Variants in SUCO observed in about 807,000 individuals in gnomAD.
SUCO encodes SUN domain-containing ossification factor.
A neutral mutation model predicts 148.1 loss-of-function variants in SUCO; 57 were observed. The ratio of observed to expected loss-of-function variants is 0.38; its 90% CI spans 0.31 to 0.48. SUCO has a LOEUF of 0.48. Ranked by LOEUF, SUCO falls within the 20% of genes least tolerant of loss-of-function variation. The pLI is 0.96. For synonymous variants in SUCO, 470 were observed against 502.7 expected, an observed-to-expected ratio of 0.93 and a Z score of 0.87; for missense variants, 1,331 against 1,468.2, an observed-to-expected ratio of 0.91 and a Z score of 1.53.
chr1:172,547,816 A>G (rs949172215), intron 1 of SUCO, among the ~76,000 whole-genome samples: 1 of 152,162 alleles, frequency 6.6e-6, no homozygotes, highest in African/African-American at 2.4e-5. Flanking sequence ...ACTGAAGTTG[A>G]TACCTGTATT....
At chr1:172,550,156 TATAG>T (rs570691583) in intron 1 of SUCO, among the ~76,000 whole-genome samples, 3 of 151,956 alleles carry the variant, frequency 2.0e-5, no homozygotes, top group Non-Finnish European at 2.9e-5. Context: ...TGTAGTTTCA[TATAG>T]ATCTAGCCCC....
intron 1 of SUCO, among the ~76,000 whole-genome samples, chr1:172,549,389 T>C (rs1325687434): frequency 6.6e-6 from 1 of 151,860 alleles, no homozygotes; most frequent in Non-Finnish European, 1.5e-5. Context: ...ATATTCTTTA[T>C]TGCACATTAA....
intron 14 of SUCO, 33 bp downstream of exon 14, chr1:172,578,422 T>C: frequency 1.9e-6 from 3 of 1,582,544 alleles, no homozygotes; most frequent in Non-Finnish European, 2.6e-6. Flanking sequence ...CTGTTAGGTA[T>C]ATTTTTTTTA....
Position 172,589,136 on chromosome 1 carries a change from C to T in SUCO, c.2035C>T (p.Gln679Ter). Reference protein sequence around the residue: ...PAESVDVSVLQPLSGELENTN... With the variant: ...PAESVDVSVL ...GGAATCAGTAGATGTTTCAGTATTG[C>T]AACCTCTGAGTGGAGAATTGGAAAA... is the stretch of plus-strand genomic sequence containing the variant. The change falls in exon 18 of 24, where the codon CAA becomes TAA. Residue 679 changes from glutamine to a stop codon, truncating the protein, a stop_gained. Transcript: ENST00000263688. LOFTEE classifies it high-confidence loss of function. 1 of 1,613,626 alleles carries T rather than the reference C, an allele frequency of 6.2e-7. No homozygotes were observed. The highest frequency in any genetic ancestry group is 8.5e-7 in the Non-Finnish European group (1 of 1,179,788).
intron 23 of SUCO, 105 bp from the exon 24 acceptor site, chr1:172,609,711 T>C (rs1658087383): frequency 6.7e-7 from 1 of 1,487,958 alleles, no homozygotes; most frequent in Admixed American, 2.6e-5. Context: ...ACTGTTTTAC[T>C]TTTCACCAGG....
chr1:172,572,355 A>G (rs1176593932), intron 9 of SUCO, among the ~76,000 whole-genome samples: 1 of 151,922 alleles, frequency 6.6e-6, no homozygotes, highest in Non-Finnish European at 1.5e-5. Context: ...TTCTGTACTA[A>G]GAAAAATTCT....
Position 172,578,301 on chromosome 1 carries a change from A to G in SUCO, c.1344A>G (p.Val448=). The change falls in exon 14 of 24, where the codon GTA becomes GTG. Residue 448 remains valine (V), a synonymous_variant. Coordinates refer to ENST00000263688, the MANE Select transcript of SUCO (RefSeq NM_014283.5). ...TTAATGAAATTGTTGTTGATAGGGT[A>G]TTTGGCACTAGCATGGTGGAAGAAT... ...EHFCPLSLIR[V]FGTSMVEEYE... 1.9e-6 allele frequency: 3 copies of G among 1,606,522 alleles called. No homozygotes were observed. The highest frequency in any genetic ancestry group is 1.7e-6 in the Non-Finnish European group (2 of 1,173,432).
chr1:172,533,136 C>T (rs1357800074), upstream of SUCO: 7 of 1,438,682 alleles, frequency 4.9e-6, no homozygotes, highest in Middle Eastern at 2.6e-4. Flanking sequence ...AGGCCCCCGG[C>T]GGGCGGGGAG....
chr1:172,579,947 A>G (rs1164773597), intron 15 of SUCO, among the ~76,000 whole-genome samples: 1 of 152,156 alleles, frequency 6.6e-6, no homozygotes, highest in Non-Finnish European at 1.5e-5. Context: ...AAATTTAATA[A>G]AAACAAATCT....
chr1:172,581,467 TA>T (rs1042602740), intron 15 of SUCO, among the ~76,000 whole-genome samples: 1 of 152,182 alleles, frequency 6.6e-6, no homozygotes, highest in Non-Finnish European at 1.5e-5. Flanking sequence ...CATAAAACTT[TA>T]TAGACTTGGC....
Position 172,611,012 on chromosome 1 carries a change from C to G in SUCO, c.*753C>G, listed in dbSNP as rs866622277. 6.6e-5 allele frequency: 10 copies of G among 152,588 alleles called. No homozygotes were observed. The highest frequency in any genetic ancestry group is 2.4e-4 in the African/African-American group (10 of 41,452). The allele number at this position is 152,588 out of a possible 1,614,324, so 9.5% of individuals were successfully genotyped here. A position where few individuals can be genotyped will look rare whatever the true frequency, so the allele number is the denominator to read the frequency against. Reference sequence around the variant, plus strand: ...TGCAGACAAATTTTTGACAAATTCACCTTTTAAACACACTTAACCATTTGT... The same window carrying G: ...TGCAGACAAATTTTTGACAAATTCAGCTTTTAAACACACTTAACCATTTGT... On this transcript the variant is annotated 3_prime_UTR_variant, in exon 24 of 24. Transcript: ENST00000263688.
intron 1 of SUCO, 62 bp downstream of exon 1, chr1:172,533,559 G>A: frequency 6.8e-7 from 1 of 1,460,370 alleles, no homozygotes; most frequent in Non-Finnish European, 9.1e-7. Flanking sequence ...GAGCAGCCCA[G>A]GTCACACCCC....
chr1:172,576,325 C>T (rs576408634), intron 11 of SUCO, among the ~76,000 whole-genome samples: 2 of 151,714 alleles, frequency 1.3e-5, no homozygotes, highest in Admixed American at 1.3e-4. Flanking sequence ...TAATTTCTAT[C>T]CTTTCTTCTT....
intron 20 of SUCO, 77 bp from the exon 21 acceptor site, chr1:172,601,987 C>A: frequency 7.3e-7 from 1 of 1,364,162 alleles, no homozygotes; most frequent in Non-Finnish European, 9.8e-7. Flanking sequence ...ATGATTTGTC[C>A]TTTGAATTTT....
At chr1:172,585,135 C>A in intron 16 of SUCO, 49 bp downstream of exon 16, 1 of 1,356,870 alleles carries the variant, frequency 7.4e-7, no homozygotes, top group South Asian at 1.5e-5. Flanking sequence ...CTCCAGGGAT[C>A]CTTATATTTA....
intron 19 of SUCO, among the ~76,000 whole-genome samples, chr1:172,594,148 A>G (rs1656893945): frequency 6.7e-6 from 1 of 150,020 alleles, no homozygotes; most frequent in African/African-American, 2.5e-5. Flanking sequence ...TTTTGCATCT[A>G]TTTTTTTCTT....
chr1:172,579,359 C>A, intron 15 of SUCO, 92 bp downstream of exon 15: 1 of 742,224 alleles, frequency 1.3e-6, no homozygotes, highest in Non-Finnish European at 2.3e-6. Flanking sequence ...GGAGAATTCT[C>A]CCAGTGTTGA....
rs1427287256 is a variant in SUCO, at chr1:172,569,043, G to C, written c.757G>C (p.Asp253His). Residue 253 changes from aspartate to histidine, a missense_variant, in exon 7 of 24, where the codon GAC becomes CAC. Asp to His is a moderately conservative substitution (Grantham distance 81, BLOSUM62 -1). This residue lies in a region of SUCO where 992 missense variants were observed against 1,093.5 expected (regional missense o/e 0.91). Coordinates refer to ENST00000263688, the MANE Select transcript of SUCO (RefSeq NM_014283.5). ...GAGCTCTGATTATACAAAACCAGGA[G>C]ACATTGACCCTACATCAGTAGCAAG... ...NESSDYTKPG[D>H]IDPTSVASPK... 14 of 1,590,956 alleles carry C rather than the reference G, an allele frequency of 8.8e-6. No individual in the cohort carries two copies. The highest frequency in any genetic ancestry group is 1.2e-5 in the Non-Finnish European group (14 of 1,173,832).
chr1:172,558,874 T>G lies in SUCO; in HGVS notation c.732+1080T>G, dbSNP rs577745883. 3.9e-5 allele frequency among the ~76,000 whole-genome samples: 6 copies of G among 152,350 alleles called. No homozygotes were observed. The East Asian group carries it at 7.7e-4, about 20-fold the overall frequency. Reference sequence around the variant, plus strand: ...TTTGTCCTAGATTTGCTTGTTCTCCTTAGCAGACTGAAATTTCTTTATTAC... The same window carrying G: ...TTTGTCCTAGATTTGCTTGTTCTCCGTAGCAGACTGAAATTTCTTTATTAC... On this transcript the variant is annotated intron_variant, in intron 6 of 23. Coordinates refer to ENST00000263688, the MANE Select transcript of SUCO (RefSeq NM_014283.5).
Sources: gnomAD v4.1 joint callset for allele counts (sites outside exome capture counted in the v4.1 genomes callset) on GRCh38, gnomAD v4.1.1 for gene constraint, gnomAD v4.1.1 regional missense constraint, MANE v1.5 for transcripts, NCBI Gene and HGNC (gene_info 2026-07-23, HGNC 2026-07-21) for gene names.